Variants in PSMF1 observed in about 807,000 individuals in gnomAD.
PSMF1 encodes proteasome inhibitor PI31 subunit.
Under a neutral mutation model 29.3 loss-of-function variants are expected in PSMF1, and 30 were observed. The ratio of observed to expected loss-of-function variants is 1.02; its 90% CI spans 0.77 to 1.39. The LOEUF (loss-of-function observed/expected upper bound fraction) is 1.39, where lower values mean the gene tolerates loss of function less well. PSMF1 is among the 40% of genes most tolerant of loss of function. The probability of loss-of-function intolerance (pLI) is 0.00; values close to 1 mark genes in which losing one functional copy is unlikely to be tolerated. For synonymous variants in PSMF1, 134 were observed against 139.7 expected (o/e 0.96, Z 0.29); for missense variants, 344 against 357.5 (o/e 0.96, Z 0.31).
At chr20:1,127,073 G>T (rs1235515740) in intron 2 of PSMF1, among the ~76,000 whole-genome samples, 17 of 152,136 alleles carry the variant, frequency 1.1e-4, no homozygotes, top group Non-Finnish European at 1.2e-4. Flanking sequence ...CCTGGCCTCT[G>T]TGCTACCCTC....
chr20:1,131,882 T>C (rs1367500763), intron 3 of PSMF1, among the ~76,000 whole-genome samples: 1 of 152,140 alleles, frequency 6.6e-6, no homozygotes, highest in Non-Finnish European at 1.5e-5. Flanking sequence ...ATTTTACACA[T>C]GCCTAGGGAG....
rs1422352209 is a variant in PSMF1 at position 1,165,099 on chromosome 20, A to T, written c.*19A>T. On this transcript the variant is annotated 3_prime_UTR_variant, in exon 7 of 7. Coordinates refer to ENST00000335877, the MANE Select transcript of PSMF1 (RefSeq NM_006814.5). ...CCTGTGAAGGCCTCAAGAATGTAAC[A>T]TCCCAGGCTTCCCTCCATTCTCCTG... The T allele has an allele frequency of 6.2e-7, 1 of 1,614,126 alleles. No homozygotes were observed. The highest frequency in any genetic ancestry group is 8.5e-7 in the Non-Finnish European group (1 of 1,180,006).
chr20:1,157,092 A>G lies in PSMF1; in HGVS notation c.552-6038A>G, dbSNP rs551320061. The stretch of plus-strand genomic sequence containing the variant: ...AGTCCGATGTTCAAGGACAGGAAGC[A>G]TGCAACACAGGAGAAAGATGTAGGC... On this transcript the variant is annotated intron_variant, in intron 4 of 6. Transcript: ENST00000335877. Among the ~76,000 whole-genome samples the G allele has an allele frequency of 1.2e-4, 19 of 152,366 alleles. No homozygotes were observed. The South Asian group carries it at 3.7e-3, about 30-fold the overall frequency.
chr20:1,159,187 C>T lies in PSMF1; in HGVS notation c.552-3943C>T, dbSNP rs114540629. On this transcript the variant is annotated intron_variant, in intron 4 of 6. Transcript: ENST00000335877. ...GAATATGTTGTTACAGTTTCTAGTA[C>T]CTTTTTAAAAATTTTTTATATTTTT... 5.6e-3 allele frequency among the ~76,000 whole-genome samples: 852 copies of T among 152,138 alleles called. 11 individuals are homozygous for T. Among genetic ancestry groups the T allele is most frequent in the African/African-American group, 0.019 (790 of 41,484 alleles).
rs1181397435 is a variant in PSMF1, at chr20:1,118,758, G to A, written c.-16G>A. The stretch of plus-strand genomic sequence containing the variant: ...CGCCCCCTTCTTTCCTCCAGACGCC[G>A]AAGTCGCGGGCGCTCATGGCGGGCC... On this transcript the variant is annotated 5_prime_UTR_variant, in exon 1 of 7. Coordinates refer to ENST00000335877, the MANE Select transcript of PSMF1 (RefSeq NM_006814.5). 2 of 1,608,236 alleles carry A rather than the reference G, an allele frequency of 1.2e-6. No homozygotes were observed. The highest frequency in any genetic ancestry group is 2.2e-5 in the East Asian group (1 of 44,824).
chr20:1,117,488 C>T (rs545739236), upstream of PSMF1, among the ~76,000 whole-genome samples: 5 of 152,104 alleles, frequency 3.3e-5, no homozygotes, highest in Non-Finnish European at 5.9e-5. Flanking sequence ...GGACTAAAGG[C>T]GTGCGCCACC....
chr20:1,121,748 A>G (rs1471917939), intron 1 of PSMF1, among the ~76,000 whole-genome samples: 1 of 152,214 alleles, frequency 6.6e-6, no homozygotes, highest in Non-Finnish European at 1.5e-5. Context: ...CCTCTGTTAC[A>G]GGGGAATTGT....
chr20:1,148,872 T>C (rs376970830), intron 4 of PSMF1, among the ~76,000 whole-genome samples: 1 of 152,224 alleles, frequency 6.6e-6, no homozygotes, highest in African/African-American at 2.4e-5. Context: ...AGAGAGCTCT[T>C]ATATGGGTTA....
intron 4 of PSMF1, chr20:1,161,508 A>T (rs1047872144): frequency 2.8e-5 from 15 of 532,042 alleles, no homozygotes; most frequent in Non-Finnish European, 5.3e-5. Flanking sequence ...CTCCAACAGG[A>T]TGCAGAAAGA....
At chr20:1,154,817 A>C (rs2086573252) in intron 4 of PSMF1, among the ~76,000 whole-genome samples, 1 of 152,212 alleles carries the variant, frequency 6.6e-6, no homozygotes, top group Non-Finnish European at 1.5e-5. Context: ...TAGGTTGTTG[A>C]TACTAGTTGT....
intron 3 of PSMF1, 67 bp from the exon 4 acceptor site, chr20:1,135,054 G>A (rs1055741991): frequency 1.9e-6 from 3 of 1,558,450 alleles, no homozygotes; most frequent in African/African-American, 1.4e-5. Flanking sequence ...CGTCGTTGCA[G>A]CCAGAATACC....
intron 3 of PSMF1, among the ~76,000 whole-genome samples, chr20:1,131,492 A>C (rs1411333532): frequency 6.6e-6 from 1 of 152,232 alleles, no homozygotes; most frequent in Admixed American, 6.5e-5. Flanking sequence ...AGTAAAATAC[A>C]CAAAGGGGAA....
At chr20:1,130,736 T>C (rs560332410) in intron 3 of PSMF1, among the ~76,000 whole-genome samples, 1 of 152,184 alleles carries the variant, frequency 6.6e-6, no homozygotes, top group Non-Finnish European at 1.5e-5. Flanking sequence ...CTCAACCTAC[T>C]GGGCTCAAGT....
intron 1 of PSMF1, among the ~76,000 whole-genome samples, chr20:1,123,559 A>G (rs1334183867): frequency 2.0e-5 from 3 of 152,162 alleles, no homozygotes; most frequent in Non-Finnish European, 2.9e-5. Flanking sequence ...ATATAATACT[A>G]TCATTAGATC....
chr20:1,115,479 GCAATTTGAAT>G (rs1448866185), upstream of PSMF1, among the ~76,000 whole-genome samples: 2 of 152,206 alleles, frequency 1.3e-5, no homozygotes, highest in African/African-American at 4.8e-5. Flanking sequence ...TCATGTACCA[GCAATTTGAAT>G]CAACTTCATT....
At chr20:1,161,048 G>A (rs1056780005) in intron 4 of PSMF1, 7 of 417,832 alleles carry the variant, frequency 1.7e-5, no homozygotes, top group East Asian at 5.8e-5. Flanking sequence ...TTCTGGAGAC[G>A]GAGTCACACA....
chr20:1,164,890 C>A lies in PSMF1; in HGVS notation c.765-139C>A. On this transcript the variant is annotated intron_variant, in intron 6 of 6. Coordinates refer to ENST00000335877, the MANE Select transcript of PSMF1 (RefSeq NM_006814.5). This position sits in a 1 kb window ranked among gnomAD's most constrained non-coding sequence, Gnocchi z 4.1. ...CAGGATTCAAACCCCGGTTGTCTGGCTCTTGAGTGCATGTGTTTAAATTCC... is the reference window on the plus strand; with the variant it reads ...CAGGATTCAAACCCCGGTTGTCTGGATCTTGAGTGCATGTGTTTAAATTCC... 1 of 786,966 alleles carries A rather than the reference C, an allele frequency of 1.3e-6. No homozygotes were observed. Among genetic ancestry groups the A allele is most frequent in the Non-Finnish European group, 2.2e-6 (1 of 462,450 alleles). The allele number at this position is 786,966 out of a possible 1,614,324, so 48.7% of individuals were successfully genotyped here. A position where few individuals can be genotyped will look rare whatever the true frequency, so the allele number is the denominator to read the frequency against.
intron 4 of PSMF1, among the ~76,000 whole-genome samples, chr20:1,157,467 C>A (rs2086607970): frequency 6.6e-6 from 1 of 152,176 alleles, no homozygotes; most frequent in Non-Finnish European, 1.5e-5. Flanking sequence ...TAGAAACTCA[C>A]CAATCCCCAA....
chr20:1,136,615 A>C (rs894934904), intron 4 of PSMF1, among the ~76,000 whole-genome samples: 9 of 152,352 alleles, frequency 5.9e-5, no homozygotes, highest in Middle Eastern at 3.4e-3. Flanking sequence ...TTAGAAAAAG[A>C]GAGTAATTGA....
Sources: allele counts gnomAD v4.1 joint callset (sites outside exome capture counted in the v4.1 genomes callset), GRCh38; gene constraint gnomAD v4.1.1; non-coding constraint Gnocchi (gnomAD v3.1); transcripts MANE v1.5; gene names NCBI Gene and HGNC (gene_info 2026-07-23, HGNC 2026-07-21).